DSCAM: variants seen among roughly 807,000 people sequenced by gnomAD.
DSCAM encodes cell adhesion molecule DSCAM.
In DSCAM, 47 loss-of-function variants were observed where a neutral mutation model predicts 217.7. The ratio of observed to expected loss-of-function variants is 0.22; its 90% confidence interval spans 0.17 to 0.28. DSCAM has a LOEUF of 0.28. Among genes scored for constraint, DSCAM ranks in the 10% least tolerant of loss-of-function variants. DSCAM has a pLI of 1.00. For synonymous variants in DSCAM, 1,056 were observed against 1,015.3 expected (o/e 1.04, Z -0.76); for missense variants, 2,080 against 2,618.3 (o/e 0.79, Z 4.49).
At chr21:40,503,320 A>G (rs1030922756) in intron 3 of DSCAM, among the ~76,000 whole-genome samples, 1 of 152,192 alleles carries the variant, frequency 6.6e-6, no homozygotes, top group Non-Finnish European at 1.5e-5. Flanking sequence ...TTCGACCAAG[A>G]GGATATTAGT....
intron 8 of DSCAM, among the ~76,000 whole-genome samples, chr21:40,324,529 A>G (rs138994999): frequency 7.9e-5 from 12 of 152,328 alleles, no homozygotes; most frequent in African/African-American, 2.9e-4. Flanking sequence ...CAATCATATG[A>G]AACATCTCTT....
chr21:40,634,018 C>A (rs2089724597), intron 3 of DSCAM, among the ~76,000 whole-genome samples: 4 of 152,060 alleles, frequency 2.6e-5, no homozygotes, highest in South Asian at 4.2e-4. Context: ...CATAGCCTAA[C>A]AAATAGAAAG....
At chr21:40,323,630 G>A (rs562683513) in intron 8 of DSCAM, among the ~76,000 whole-genome samples, 1 of 152,284 alleles carries the variant, frequency 6.6e-6, no homozygotes, top group South Asian at 2.1e-4. Flanking sequence ...TCATTCAGCT[G>A]GCCCAAGTTT....
At chr21:40,426,990 C>T (rs1440837942) in intron 3 of DSCAM, among the ~76,000 whole-genome samples, 1 of 152,168 alleles carries the variant, frequency 6.6e-6, no homozygotes, top group Non-Finnish European at 1.5e-5. Flanking sequence ...TAAGCAGCTC[C>T]CTAGGTGTCA....
intron 16 of DSCAM, among the ~76,000 whole-genome samples, chr21:40,162,972 CTG>C (rs1188773076): frequency 6.6e-6 from 1 of 151,958 alleles, no homozygotes; most frequent in Admixed American, 6.6e-5. Flanking sequence ...GAAAAAAACT[CTG>C]TCTTAAATTG....
At chr21:40,614,935 ATATT>A (rs966138658) in intron 3 of DSCAM, among the ~76,000 whole-genome samples, 23 of 151,846 alleles carry the variant, frequency 1.5e-4, no homozygotes, top group Middle Eastern at 3.2e-3. Flanking sequence ...GTATAAATAT[ATATT>A]TATGTTTTTA....
chr21:40,335,128 C>T (rs73355315), intron 8 of DSCAM, among the ~76,000 whole-genome samples: 330 of 152,242 alleles, frequency 2.2e-3, no homozygotes, highest in African/African-American at 7.6e-3. Context: ...TCTTGAACCC[C>T]TTCACATCTT....
At chr21:40,570,729 T>C (rs1301353011) in intron 3 of DSCAM, among the ~76,000 whole-genome samples, 3 of 152,124 alleles carry the variant, frequency 2.0e-5, no homozygotes, top group African/African-American at 7.2e-5. Flanking sequence ...CGTAACTGTA[T>C]GATACTAGGT....
chr21:40,531,420 C>A lies in DSCAM; in HGVS notation c.508+161390G>T, dbSNP rs558157550. ...AAGCTCCTGCACGGTCCTTCTCCAG[C>A]ACCCAGCACACCCCAGGGTCCCACA... On this transcript the variant is annotated intron_variant, in intron 3 of 32. Coordinates refer to ENST00000400454, the MANE Select transcript of DSCAM (RefSeq NM_001389.5). 3.3e-5 allele frequency among the ~76,000 whole-genome samples: 5 copies of A among 152,344 alleles called. No homozygotes were observed. The South Asian group carries it at 1.0e-3, about 32-fold the overall frequency.
In DSCAM at chr21:40,347,895, T is replaced by C. The variant is rs918861997; in HGVS notation, c.985A>G (p.Ser329Gly). The C allele has an allele frequency of 1.9e-5, 31 of 1,614,038 alleles. No homozygotes were observed. The highest frequency in any genetic ancestry group is 4.5e-5 in the East Asian group (2 of 44,890). Residue 329 changes from serine (S) to glycine (G), a missense_variant, in exon 6 of 33, where the codon AGC becomes GGC. By Grantham distance (56) the Ser-to-Gly change is moderately conservative. This residue lies in a region of DSCAM where 568 missense variants were observed against 678.1 expected (regional missense o/e 0.84). Transcript: ENST00000400454. ...SPRKVKSSVG[S>G]QVSLSCSVTG... Reference sequence around the variant, plus strand: ...ACGCTGCAGGACAAGGAAACTTGGCTACCCACGCTGCTTTTAACCTTCCTG... The same window carrying C: ...ACGCTGCAGGACAAGGAAACTTGGCCACCCACGCTGCTTTTAACCTTCCTG...
intron 9 of DSCAM, among the ~76,000 whole-genome samples, chr21:40,309,939 T>C (rs779658764): frequency 4.6e-5 from 7 of 152,186 alleles, no homozygotes; most frequent in Admixed American, 2.6e-4. Flanking sequence ...GTGGTTAAAG[T>C]CAACAGTGCC....
In DSCAM at chr21:40,708,516, T is replaced by C; in HGVS notation, c.299A>G (p.Tyr100Cys). ...TGAAGGATTTTCAGCTGTGCAATAA[T>C]AAGTATTATCATGGATTAAGGTACT... ...SFSTLIHDNT[Y>C]YCTAENPSGK... The change falls in exon 2 of 33, where the codon TAT (tyrosine) becomes TGT (cysteine). Residue 100 changes from tyrosine to cysteine, a missense_variant. Physicochemically the swap from Tyr to Cys is radical, Grantham distance 194. Transcript: ENST00000400454. 6.5e-7 allele frequency: 1 copy of C among 1,540,998 alleles called. No homozygotes were observed.
At chr21:40,611,389 C>T (rs1050458421) in intron 3 of DSCAM, among the ~76,000 whole-genome samples, 3 of 152,124 alleles carry the variant, frequency 2.0e-5, no homozygotes, top group Non-Finnish European at 4.4e-5. Context: ...TGTTAGGTAA[C>T]ACAGCGTATC....
At chr21:40,711,191 T>C (rs984629069) in intron 1 of DSCAM, among the ~76,000 whole-genome samples, 7 of 152,156 alleles carry the variant, frequency 4.6e-5, no homozygotes, top group African/African-American at 1.7e-4. Context: ...CAGGCAGCTC[T>C]GTATAGAGTG....
rs933649962 is a variant in DSCAM, at chr21:40,338,083, C to A, written c.1783+18G>T. 1 of 1,610,444 alleles carries A rather than the reference C, an allele frequency of 6.2e-7. No individual in the cohort carries two copies. Among genetic ancestry groups the A allele is most frequent in the Non-Finnish European group, 8.5e-7 (1 of 1,178,308 alleles). On this transcript the variant is annotated intron_variant, in intron 8 of 32. Transcript: ENST00000400454. The stretch of plus-strand genomic sequence containing the variant: ...GCTATGGAATGAGTTGTGTGGGAAC[C>A]AGGAGAACAGGGCTTACCTTTCACG...
intron 3 of DSCAM, among the ~76,000 whole-genome samples, chr21:40,526,721 T>C (rs767574132): frequency 6.6e-6 from 1 of 152,132 alleles, no homozygotes; most frequent in East Asian, 1.9e-4. Context: ...AGCTTGATTG[T>C]GGCACTCAGT....
At chr21:40,334,487 C>T (rs979505977) in intron 8 of DSCAM, among the ~76,000 whole-genome samples, 5 of 152,120 alleles carry the variant, frequency 3.3e-5, no homozygotes, top group African/African-American at 1.2e-4. Context: ...CGAAATAGAT[C>T]CGGAGTCTGT....
In DSCAM at chr21:40,145,976, G is replaced by GTGTATGTATGTA. The variant is rs56725818; in HGVS notation, c.3019-1257_3019-1246dup. ...TGTATGTATACATACACACATACATGTGTATGTATGTATACATGTACATAT... is the reference window on the plus strand; with the variant it reads ...TGTATGTATACATACACACATACATGTGTATGTATGTATGTATGTATGTATACATGTACATAT... On this transcript the variant is annotated intron_variant, in intron 16 of 32. Coordinates refer to ENST00000400454, the MANE Select transcript of DSCAM (RefSeq NM_001389.5). 4.7e-3 allele frequency among the ~76,000 whole-genome samples: 517 copies of GTGTATGTATGTA among 110,424 alleles called. 4 individuals carry two copies. The highest frequency in any genetic ancestry group is 0.013 in the African/African-American group (499 of 39,318). The allele number at this position is 110,424 out of a possible 152,430, so 72.4% of individuals were successfully genotyped here.
chr21:40,518,248 C>T (rs532031802), intron 3 of DSCAM, among the ~76,000 whole-genome samples: 7 of 139,770 alleles, frequency 5.0e-5, no homozygotes, highest in Non-Finnish European at 1.1e-4. Flanking sequence ...GCCTGAGATG[C>T]GTCCTGTCTT....
Sources: gnomAD v4.1 joint callset for allele counts (sites outside exome capture counted in the v4.1 genomes callset) on GRCh38, gnomAD v4.1.1 for gene constraint, gnomAD v4.1.1 regional missense constraint, MANE v1.5 for transcripts, NCBI Gene and HGNC (gene_info 2026-07-23, HGNC 2026-07-21) for gene names.